The following ZDHHC4 variants were observed in gnomAD, a reference collection of about 807,000 sequenced individuals.
ZDHHC4 encodes the protein palmitoyltransferase ZDHHC4.
Under a neutral mutation model 36.7 loss-of-function variants are expected in ZDHHC4, and 42 were observed. That is an observed-to-expected ratio of 1.14 (90% CI 0.89 to 1.48). The LOEUF is 1.48. ZDHHC4 is among the 40% of genes most tolerant of loss of function. The pLI is 0.00. For synonymous variants in ZDHHC4, 189 were observed against 166.6 expected, an observed-to-expected ratio of 1.13 and a Z score of -1.03; for missense variants, 457 against 421.5, an observed-to-expected ratio of 1.08 and a Z score of -0.74.
At chr7:6,579,106 G>A (rs373310806) in intron 2 of ZDHHC4, among the ~76,000 whole-genome samples, 43 of 151,712 alleles carry the variant, frequency 2.8e-4, no homozygotes, top group African/African-American at 9.9e-4. Flanking sequence ...GTACAGGCAC[G>A]AGCCACTACG....
chr7:6,578,346 T>C (rs1780589496), intron 1 of ZDHHC4, among the ~76,000 whole-genome samples: 1 of 152,094 alleles, frequency 6.6e-6, no homozygotes. Context: ...CCCAGGCTGG[T>C]CTCGAACTCT....
intron 3 of ZDHHC4, 94 bp downstream of exon 3, chr7:6,580,772 G>T (rs1413534169): frequency 5.7e-6 from 7 of 1,222,932 alleles, no homozygotes; most frequent in Non-Finnish European, 8.4e-6. Flanking sequence ...GAGATGCCAG[G>T]CCGGGTGCAG....
intron 2 of ZDHHC4, among the ~76,000 whole-genome samples, chr7:6,579,955 G>C (rs759469375): frequency 6.6e-6 from 1 of 151,940 alleles, no homozygotes; most frequent in Non-Finnish European, 1.5e-5. Flanking sequence ...GGCCAACATG[G>C]TGAAACCTCA....
chr7:6,582,305 T>C, intron 5 of ZDHHC4, 54 bp downstream of exon 5: 1 of 1,514,362 alleles, frequency 6.6e-7, no homozygotes, highest in Admixed American at 1.8e-5. Flanking sequence ...GTCTTACTAA[T>C]AGTGCTGCAA....
At chr7:6,579,725 G>A (rs1780705729) in intron 2 of ZDHHC4, among the ~76,000 whole-genome samples, 1 of 152,222 alleles carries the variant, frequency 6.6e-6, no homozygotes, top group Non-Finnish European at 1.5e-5. Context: ...GGAAGTAAAA[G>A]AATGATTCAT....
rs369797138 is a variant in ZDHHC4, at chr7:6,583,344, G to T, written c.409G>T (p.Val137Phe). ...AGCAAATGAATTATTATTTCTTCAT[G>T]TTTATGAATTTGATGAAGTGATGTT... ...TKANELLFLH[V>F]YEFDEVMFPK... Residue 137 changes from valine to phenylalanine, a missense_variant, in exon 6 of 8, where the codon GTT (valine) becomes TTT (phenylalanine). Physicochemically the swap from Val to Phe is conservative, Grantham distance 50. Coordinates refer to ENST00000335965, the MANE Select transcript of ZDHHC4 (RefSeq NM_001134389.2). 6 of 1,613,708 alleles carry T rather than the reference G, an allele frequency of 3.7e-6. No homozygotes were observed. The highest frequency in any genetic ancestry group is 4.2e-6 in the Non-Finnish European group (5 of 1,179,866).
chr7:6,585,114 T>G lies in ZDHHC4; in HGVS notation c.595T>G (p.Leu199Val), dbSNP rs1330847113. 1 of 1,614,186 alleles carries G rather than the reference T, an allele frequency of 6.2e-7. No individual in the cohort carries two copies. The change falls in exon 7 of 8, where the codon TTG becomes GTG. Residue 199 changes from leucine to valine, a missense_variant. By Grantham distance (32) the Leu-to-Val change is conservative. Coordinates refer to ENST00000335965, the MANE Select transcript of ZDHHC4 (RefSeq NM_001134389.2). ...WNIRYFLIYV[L>V]TLTASAATVA... ...CATCAGGTACTTCCTCATCTACGTC[T>G]TGACCTTGACGGCCTCGGCTGCCAC...
intron 7 of ZDHHC4, among the ~76,000 whole-genome samples, chr7:6,586,958 C>T (rs541148752): frequency 5.3e-5 from 8 of 152,006 alleles, no homozygotes; most frequent in East Asian, 1.9e-4. Flanking sequence ...GTTTATAAAA[C>T]ATGTTTTATG....
At chr7:6,580,911 G>C (rs1780800368) in intron 3 of ZDHHC4, 7 of 515,744 alleles carry the variant, frequency 1.4e-5, no homozygotes, top group Middle Eastern at 5.1e-4. Flanking sequence ...GTGAGACCCT[G>C]TCTCAACAAC....
intron 6 of ZDHHC4, chr7:6,583,793 G>C (rs1781036672): frequency 5.9e-6 from 1 of 169,188 alleles, no homozygotes; most frequent in African/African-American, 2.4e-5. Flanking sequence ...AAAATAGAAT[G>C]TGGCTGGGCG....
intron 7 of ZDHHC4, among the ~76,000 whole-genome samples, 171 bp downstream of exon 7, chr7:6,585,431 C>T (rs1205438803): frequency 6.6e-6 from 1 of 152,004 alleles, no homozygotes; most frequent in East Asian, 1.9e-4. Flanking sequence ...CAGGACCAGC[C>T]TGGGCAACAC....
chr7:6,578,957 C>T (rs1326195100), intron 2 of ZDHHC4, among the ~76,000 whole-genome samples: 1 of 152,160 alleles, frequency 6.6e-6, no homozygotes, highest in Non-Finnish European at 1.5e-5. Context: ...CCCGCCTCAG[C>T]CTCCACAGGC....
chr7:6,580,027 C>A (rs570158386), intron 2 of ZDHHC4, among the ~76,000 whole-genome samples: 5 of 151,910 alleles, frequency 3.3e-5, no homozygotes, highest in Non-Finnish European at 7.4e-5. Context: ...CCCAGCTACT[C>A]AGGAGGCTGA....
intron 7 of ZDHHC4, among the ~76,000 whole-genome samples, chr7:6,587,914 G>A (rs1781349042): frequency 6.6e-6 from 1 of 152,170 alleles, no homozygotes; most frequent in Non-Finnish European, 1.5e-5. Flanking sequence ...CGCCTAGGCT[G>A]GAGTGCAGTT....
At chr7:6,580,410 G>A (rs1397213841) in intron 2 of ZDHHC4, 145 bp from the exon 3 acceptor site, 3 of 730,684 alleles carry the variant, frequency 4.1e-6, no homozygotes, top group Admixed American at 4.1e-5. Flanking sequence ...TGTTCTGTTT[G>A]TCTTTCTGCT....
At chr7:6,579,205 CTT>C (rs1202827177) in intron 2 of ZDHHC4, among the ~76,000 whole-genome samples, 5 of 138,470 alleles carry the variant, frequency 3.6e-5, no homozygotes, top group Admixed American at 1.5e-4. Context: ...AGTGTCTTTT[CTT>C]TTTTTTTTTT....
chr7:6,577,975 A>G (rs534977626), intron 1 of ZDHHC4, among the ~76,000 whole-genome samples: 3 of 152,240 alleles, frequency 2.0e-5, no homozygotes, highest in Non-Finnish European at 4.4e-5. Flanking sequence ...GATTACAGGC[A>G]TGCGCCATCA....
chr7:6,582,375 C>A, intron 5 of ZDHHC4, 124 bp downstream of exon 5: 1 of 948,138 alleles, frequency 1.1e-6, no homozygotes. Flanking sequence ...ATTTTCATTA[C>A]CTTTCAGTTT....
intron 2 of ZDHHC4, 48 bp from the exon 3 acceptor site, chr7:6,580,507 A>G: frequency 1.3e-6 from 2 of 1,509,744 alleles, no homozygotes; most frequent in South Asian, 2.3e-5. Context: ...GTGCCATGGA[A>G]GAAACCTTTC....
Sources: allele counts gnomAD v4.1 joint callset (sites outside exome capture counted in the v4.1 genomes callset), GRCh38; gene constraint gnomAD v4.1.1; transcripts MANE v1.5; gene names NCBI Gene and HGNC (gene_info 2026-07-23, HGNC 2026-07-21).